The following CELF2 variants were observed in gnomAD, a reference collection of about 807,000 sequenced individuals.
CELF2 encodes the protein CUGBP Elav-like family member 2.
A neutral mutation model predicts 62.6 loss-of-function variants in CELF2; 8 were observed. The ratio of observed to expected loss-of-function variants is 0.13; its 90% CI spans 0.07 to 0.23. The LOEUF (loss-of-function observed/expected upper bound fraction) is 0.23. CELF2 is among the 10% of genes least tolerant of loss of function. The pLI is 1.00. For synonymous variants in CELF2, 258 were observed against 250.0 expected (o/e 1.03, Z -0.30); for missense variants, 333 against 671.0 (o/e 0.50, Z 5.56).
Position 11,010,996 on chromosome 10 carries a change from C to T in CELF2, c.53+5556C>T, listed in dbSNP as rs2056366926. On this transcript the variant is annotated intron_variant, in intron 1 of 12. Coordinates refer to the CELF2 transcript ENST00000416382. The surrounding 1 kb of genome is among the most constrained non-coding windows in gnomAD (Gnocchi z 4.1). ...AGCATCTAGGAAGGAAGAAAGGAAA[C>T]ATTTTTGAAAGTACCAATGTAGATT... is the stretch of plus-strand genomic sequence containing the variant. 6.6e-6 allele frequency: 1 copy of T among 152,178 alleles called. No homozygotes were observed. Among genetic ancestry groups the T allele is most frequent in the Admixed American group, 6.5e-5 (1 of 15,276 alleles). The allele number at this position is 152,178 out of a possible 1,614,324, so 9.4% of individuals were successfully genotyped here.
At chr10:10,651,783 A>G in the CELF2 span, among the ~76,000 whole-genome samples, 1 of 151,892 alleles carries the variant, frequency 6.6e-6, no homozygotes, top group Non-Finnish European at 1.5e-5. Context: ...AAAAAAGCAC[A>G]GAAAAACTGG....
In CELF2 at chr10:11,268,432, C is replaced by T. The variant is rs938675678; in HGVS notation, c.618+1755C>T. On this transcript the variant is annotated intron_variant, in intron 6 of 12. Transcript: ENST00000633077. The surrounding 1 kb of genome is among the most constrained non-coding windows in gnomAD (Gnocchi z 4.7). Reference sequence around the variant, plus strand: ...CCCCCCAGTAATGCTCAGAGAGCCACGGACAACCCACGGGAGACCATGTTC... The same window carrying T: ...CCCCCCAGTAATGCTCAGAGAGCCATGGACAACCCACGGGAGACCATGTTC... Among the ~76,000 whole-genome samples, 5 of 152,088 alleles carry T rather than the reference C, an allele frequency of 3.3e-5. No individual in the cohort carries two copies. Among genetic ancestry groups the T allele is most frequent in the Non-Finnish European group, 7.4e-5 (5 of 68,008 alleles).
chr10:10,958,307 A>G (rs1274769775), intron 2 of CELF2, among the ~76,000 whole-genome samples: 1 of 152,200 alleles, frequency 6.6e-6, no homozygotes, highest in African/African-American at 2.4e-5. Context: ...GTGCGTCCCA[A>G]TTCATCTGCT....
At position 11,189,716 on chromosome 10, in the gene CELF2, A is replaced by G. The variant is rs190365971; in HGVS notation, c.271+24034A>G. Among the ~76,000 whole-genome samples, 504 of 152,334 alleles carry G rather than the reference A, an allele frequency of 3.3e-3. 2 individuals carry two copies. The highest frequency in any genetic ancestry group is 5.1e-3 in the Non-Finnish European group (350 of 68,032). ...CAAGAGGACTGTCCATCTAGGCCAG[A>G]GGCAGAAGTCTGCAACTCTTAATTA... is the stretch of plus-strand genomic sequence containing the variant. On this transcript the variant is annotated intron_variant, in intron 2 of 12. Coordinates refer to ENST00000633077, the MANE Select transcript of CELF2 (RefSeq NM_001326342.2).
In CELF2 at chr10:10,885,242, C is replaced by CA. The variant is rs555711245; in HGVS notation, c.54-34712dup. 3.1e-3 allele frequency among the ~76,000 whole-genome samples: 410 copies of CA among 131,896 alleles called. 2 individuals are homozygous for CA. Among genetic ancestry groups the CA allele is most frequent in the East Asian group, 7.9e-3 (36 of 4,574 alleles). The allele number at this position is 131,896 out of a possible 152,430, so 86.5% of individuals were successfully genotyped here. A position where few individuals can be genotyped will look rare whatever the true frequency, so the allele number is the denominator to read the frequency against. On this transcript the variant is annotated intron_variant, in intron 1 of 13. Coordinates refer to the CELF2 transcript ENST00000636488. ...TGGGTGACAGGGTGAGACACTGTCT[C>CA]AAAAAAAAAACAAAAAAGATAAAAT...
Position 11,156,117 on chromosome 10 carries a change from T to C in CELF2, c.75-9369T>C, listed in dbSNP as rs76687192. Among the ~76,000 whole-genome samples the C allele has an allele frequency of 0.011, 1,646 of 152,202 alleles. 26 individuals are homozygous for C. Among genetic ancestry groups the C allele is most frequent in the African/African-American group, 0.038 (1,569 of 41,484 alleles). On this transcript the variant is annotated intron_variant, in intron 1 of 12. Coordinates refer to ENST00000633077, the MANE Select transcript of CELF2 (RefSeq NM_001326342.2). This position sits in a 1 kb window ranked among gnomAD's most constrained non-coding sequence, Gnocchi z 4.3. ...CAGTTTTATATTAATAATAATGTAA[T>C]GAGAACAAGAGGATAGCCAGAATCA... is the stretch of plus-strand genomic sequence containing the variant.
chr10:11,169,784 C>CG (rs1252786844), intron 2 of CELF2, among the ~76,000 whole-genome samples: 2 of 152,222 alleles, frequency 1.3e-5, no homozygotes, highest in South Asian at 2.1e-4. Context: ...GAGGGACAGA[C>CG]GGACAGTGGA....
In CELF2 at chr10:11,244,860, T is replaced by C. The variant is rs1186793342; in HGVS notation, c.355-4293T>C. ...ATTGCTTTGAGAATGAATGCAGACA[T>C]AGCTTCATCTGAGACGCCTTCCCCA... is the stretch of plus-strand genomic sequence containing the variant. On this transcript the variant is annotated intron_variant, in intron 3 of 12. Coordinates refer to ENST00000633077, the MANE Select transcript of CELF2 (RefSeq NM_001326342.2). This position sits in a 1 kb window ranked among gnomAD's most constrained non-coding sequence, Gnocchi z 4.2. Among the ~76,000 whole-genome samples the C allele has an allele frequency of 2.0e-5, 3 of 152,172 alleles. No homozygotes were observed. Among genetic ancestry groups the C allele is most frequent in the African/African-American group, 7.2e-5 (3 of 41,442 alleles).
At chr10:10,572,948 A>G in the CELF2 span, among the ~76,000 whole-genome samples, 1 of 152,160 alleles carries the variant, frequency 6.6e-6, no homozygotes, top group Non-Finnish European at 1.5e-5. Context: ...CATCTTCCAC[A>G]ATGGTTGAAC....
chr10:10,475,115 T>A, the CELF2 span, among the ~76,000 whole-genome samples: 4 of 152,144 alleles, frequency 2.6e-5, no homozygotes, highest in African/African-American at 9.7e-5. Context: ...AAGCCATATG[T>A]GGAACAATTC....
At chr10:10,880,477 A>G (rs567334046) in intron 1 of CELF2, among the ~76,000 whole-genome samples, 1 of 152,312 alleles carries the variant, frequency 6.6e-6, no homozygotes, top group South Asian at 2.1e-4. Flanking sequence ...GAAGGGTGCT[A>G]AGGAGCCTAT....
At chr10:10,696,178 T>G in the CELF2 span, among the ~76,000 whole-genome samples, 1 of 152,124 alleles carries the variant, frequency 6.6e-6, no homozygotes, top group Non-Finnish European at 1.5e-5. Flanking sequence ...CAGATGGGTT[T>G]TTGGTGTGGA....
the CELF2 span, among the ~76,000 whole-genome samples, chr10:10,688,330 C>G: frequency 6.6e-6 from 1 of 152,188 alleles, no homozygotes; most frequent in Non-Finnish European, 1.5e-5. Flanking sequence ...ACATAGGGGA[C>G]AGTGAAGCAA....
rs888849119 is a variant in CELF2 at position 10,934,792 on chromosome 10, G to A, written c.89+14793G>A. The A allele has an allele frequency of 6.6e-6, 1 of 152,198 alleles. No individual in the cohort carries two copies. The highest frequency in any genetic ancestry group is 2.4e-5 in the African/African-American group (1 of 41,454). 9.4% of individuals were successfully genotyped at this position (152,198 alleles called of 1,614,324 possible). A position where few individuals can be genotyped will look rare whatever the true frequency, so the allele number is the denominator to read the frequency against. ...TTAGTAAGAAAGCATCTTGTATGTTGTTTGCATGGAGGTTCGGTTGAAGTC... is the reference window on the plus strand; with the variant it reads ...TTAGTAAGAAAGCATCTTGTATGTTATTTGCATGGAGGTTCGGTTGAAGTC... On this transcript the variant is annotated intron_variant, in intron 2 of 13. Coordinates refer to the CELF2 transcript ENST00000636488. The surrounding 1 kb of genome is among the most constrained non-coding windows in gnomAD (Gnocchi z 4.4).
the CELF2 span, among the ~76,000 whole-genome samples, chr10:10,785,061 A>G: frequency 1.3e-5 from 2 of 152,228 alleles, no homozygotes; most frequent in African/African-American, 4.8e-5. Context: ...TTAAATTTGC[A>G]TTATGAAAGA....
chr10:10,770,618 T>A, the CELF2 span, among the ~76,000 whole-genome samples: 1 of 152,024 alleles, frequency 6.6e-6, no homozygotes, highest in Non-Finnish European at 1.5e-5. Flanking sequence ...AGGTTCAGAT[T>A]ATTCTTAACT....
chr10:10,976,622 G>T (rs149249096), intron 2 of CELF2, among the ~76,000 whole-genome samples: 1 of 151,896 alleles, frequency 6.6e-6, no homozygotes, highest in Non-Finnish European at 1.5e-5. Flanking sequence ...TGATTCTCAG[G>T]TTCCTAATCA....
Position 11,220,562 on chromosome 10 carries a change from G to C in CELF2, c.354+3055G>C, listed in dbSNP as rs1346703310. On this transcript the variant is annotated intron_variant, in intron 3 of 12. Coordinates refer to ENST00000633077, the MANE Select transcript of CELF2 (RefSeq NM_001326342.2). This position sits in a 1 kb window ranked among gnomAD's most constrained non-coding sequence, Gnocchi z 4.4. ...GACAGATCAGGGCTCTTACGGAGCA[G>C]TGCAAAATCATTGAAGACACGTTTC... 6.6e-6 allele frequency among the ~76,000 whole-genome samples: 1 copy of C among 152,226 alleles called. No individual in the cohort carries two copies. The highest frequency in any genetic ancestry group is 1.5e-5 in the Non-Finnish European group (1 of 68,040).
intron 2 of CELF2, among the ~76,000 whole-genome samples, chr10:11,200,895 A>G (rs1190852395): frequency 1.3e-5 from 2 of 152,320 alleles, no homozygotes; most frequent in East Asian, 3.9e-4. Flanking sequence ...AAATTTGAGA[A>G]TTGTTCATCA....
Sources: allele counts gnomAD v4.1 joint callset (sites outside exome capture counted in the v4.1 genomes callset), GRCh38; gene constraint gnomAD v4.1.1; non-coding constraint Gnocchi (gnomAD v3.1); transcripts MANE v1.5; gene names NCBI Gene and HGNC (gene_info 2026-07-23, HGNC 2026-07-21).